SESN1: variants seen among roughly 807,000 people sequenced by gnomAD.
The protein encoded by SESN1 is sestrin-1.
SESN1 carries 30 observed loss-of-function variants against 59.3 expected under a neutral mutation model. The ratio of observed to expected loss-of-function variants is 0.51; its 90% CI spans 0.38 to 0.69. SESN1 has a LOEUF of 0.69. SESN1 is among the 30% of genes least tolerant of loss of function. The pLI is 0.00. For synonymous variants in SESN1, 197 were observed against 219.9 expected (o/e 0.90, Z 0.92); for missense variants, 566 against 673.0 (o/e 0.84, Z 1.76).
intron 1 of SESN1, among the ~76,000 whole-genome samples, chr6:109,071,312 A>G (rs1780930337): frequency 6.6e-6 from 1 of 151,656 alleles, no homozygotes; most frequent in Non-Finnish European, 1.5e-5. Flanking sequence ...AAGAGGTGCT[A>G]TTTTAGATAA....
rs76227987 is a variant in SESN1, at chr6:109,042,312, T to C, written c.280-39969A>G. Among the ~76,000 whole-genome samples the C allele has an allele frequency of 5.3e-3, 798 of 151,312 alleles. 29 individuals carry two copies. The East Asian group carries it at 0.082, about 16-fold the overall frequency. ...CAAGAGCCTAGGGAAAGAAGAGCAG[T>C]ATAAACTGAGAATCAAGCAGACAGA... On this transcript the variant is annotated intron_variant, in intron 1 of 9. Transcript: ENST00000436639.
chr6:109,013,787 A>G (rs758086267), intron 1 of SESN1, among the ~76,000 whole-genome samples: 35 of 152,150 alleles, frequency 2.3e-4, no homozygotes, highest in Non-Finnish European at 4.4e-4. Flanking sequence ...AAAATCCCCT[A>G]TTGTCATTTA....
intron 1 of SESN1, among the ~76,000 whole-genome samples, chr6:109,004,840 C>T (rs972769386): frequency 6.6e-6 from 1 of 152,178 alleles, no homozygotes; most frequent in South Asian, 2.1e-4. Flanking sequence ...TGCTGAGATA[C>T]TGTCTTCCTC....
rs1482587346 is a variant in SESN1, at chr6:108,987,562, A to T, written c.1638T>A (p.Ile546=). The T allele has an allele frequency of 6.3e-7, 1 of 1,597,134 alleles. No individual in the cohort carries two copies. Among genetic ancestry groups the T allele is most frequent in the East Asian group, 2.2e-5 (1 of 44,800 alleles). Residue 546 remains isoleucine (I), a synonymous_variant, in exon 10 of 10, where the codon ATT becomes ATA. Transcript: ENST00000436639. ...QAELLYALRA[I]TRYMT ...AAAGGCATCAGGTCATATAGCGGGT[A>T]ATGGCTCTCAGAGCATAAAGGAGTT...
intron 3 of SESN1, 82 bp downstream of exon 3, chr6:109,001,206 C>T: frequency 9.0e-7 from 1 of 1,116,716 alleles, no homozygotes; most frequent in Non-Finnish European, 1.3e-6. Context: ...AAGTATTTAT[C>T]CCTGTGTTTA....
chr6:109,058,158 C>T (rs1432061835), intron 1 of SESN1, among the ~76,000 whole-genome samples: 4 of 152,056 alleles, frequency 2.6e-5, no homozygotes, highest in South Asian at 2.1e-4. Context: ...GATCACGGCT[C>T]ACCGCAGCCT....
intron 1 of SESN1, among the ~76,000 whole-genome samples, chr6:109,034,680 G>A (rs1405754561): frequency 6.6e-6 from 1 of 152,222 alleles, no homozygotes; most frequent in African/African-American, 2.4e-5. Flanking sequence ...AAAAGGGAAT[G>A]GGAGTGTGCA....
intron 1 of SESN1, among the ~76,000 whole-genome samples, chr6:109,076,912 T>C (rs1781040728): frequency 6.6e-6 from 1 of 152,238 alleles, no homozygotes; most frequent in Non-Finnish European, 1.5e-5. Flanking sequence ...ATCTAATCTT[T>C]GTGCAAAAAT....
Position 108,987,535 on chromosome 6 carries a change from G to A in SESN1, c.*9C>T. On this transcript the variant is annotated 3_prime_UTR_variant, in exon 10 of 10. Transcript: ENST00000436639. ...TCATTCCAGAATCATCTTTAATGAA[G>A]GAAAGGCATCAGGTCATATAGCGGG... 1 of 1,506,412 alleles carries A rather than the reference G, an allele frequency of 6.6e-7. No individual in the cohort carries two copies. The highest frequency in any genetic ancestry group is 9.2e-7 in the Non-Finnish European group (1 of 1,083,768). 93.3% of individuals were successfully genotyped at this position (1,506,412 alleles called of 1,614,324 possible).
intron 1 of SESN1, among the ~76,000 whole-genome samples, chr6:109,008,273 A>G (rs1238760450): frequency 6.6e-6 from 1 of 152,240 alleles, no homozygotes; most frequent in African/African-American, 2.4e-5. Context: ...TCAAAAAGAG[A>G]AAAGATCTAT....
At chr6:108,993,254 C>T (rs907173729) in intron 6 of SESN1, among the ~76,000 whole-genome samples, 48 of 152,108 alleles carry the variant, frequency 3.2e-4, no homozygotes, top group Non-Finnish European at 5.6e-4. Flanking sequence ...ATCAGCTATG[C>T]TCCAAAATTT....
chr6:109,076,220 A>G (rs1781029738), intron 1 of SESN1, among the ~76,000 whole-genome samples: 1 of 152,246 alleles, frequency 6.6e-6, no homozygotes, highest in African/African-American at 2.4e-5. Flanking sequence ...TTTACCAACT[A>G]GTATGAAAAC....
chr6:109,040,649 AG>A (rs1331896473), intron 1 of SESN1, among the ~76,000 whole-genome samples: 1 of 151,258 alleles, frequency 6.6e-6, no homozygotes, highest in Non-Finnish European at 1.5e-5. Flanking sequence ...GTGACAAACT[AG>A]CATAATCTTT....
At chr6:109,004,659 T>C (rs370686737) in intron 1 of SESN1, among the ~76,000 whole-genome samples, 14 of 152,304 alleles carry the variant, frequency 9.2e-5, no homozygotes, top group African/African-American at 3.1e-4. Context: ...CTCAATCTCC[T>C]GACCTCGTGA....
At chr6:109,074,254 T>C (rs1292491611) in intron 1 of SESN1, among the ~76,000 whole-genome samples, 1 of 152,156 alleles carries the variant, frequency 6.6e-6, no homozygotes, top group Non-Finnish European at 1.5e-5. Context: ...TCTCAGAATA[T>C]ATCTGTCATT....
Position 109,000,527 on chromosome 6 carries a change from G to C in SESN1, c.693C>G (p.Ala231=), listed in dbSNP as rs1214976889. ...QNLGELNKVL[A]HRPWLITKEH... is the part of the protein sequence containing the mutation. ...CTTTGGTAATAAGCCAAGGTCTATG[G>C]GCTAACACTTTGTTAAGTTCTCCTA... is the stretch of plus-strand genomic sequence containing the variant. Residue 231 remains alanine, a synonymous_variant, in exon 4 of 10, where the codon GCC becomes GCG. Coordinates refer to ENST00000436639, the MANE Select transcript of SESN1 (RefSeq NM_014454.3). 2.5e-6 allele frequency: 4 copies of C among 1,609,180 alleles called. No individual in the cohort carries two copies. The highest frequency in any genetic ancestry group is 2.2e-5 in the South Asian group (2 of 90,002).
At chr6:109,076,252 C>T (rs1436505918) in intron 1 of SESN1, among the ~76,000 whole-genome samples, 1 of 152,180 alleles carries the variant, frequency 6.6e-6, no homozygotes, top group Non-Finnish European at 1.5e-5. Flanking sequence ...TTAACAAGTA[C>T]TGCTGTGCCA....
At chr6:109,033,912 C>T (rs954599964) in intron 1 of SESN1, among the ~76,000 whole-genome samples, 4 of 152,138 alleles carry the variant, frequency 2.6e-5, no homozygotes, top group South Asian at 4.1e-4. Flanking sequence ...CGTAAAGAAG[C>T]GGAGGCAAGG....
chr6:109,019,847 A>G (rs182784566), intron 1 of SESN1, among the ~76,000 whole-genome samples: 37 of 152,330 alleles, frequency 2.4e-4, no homozygotes, highest in Non-Finnish European at 1.5e-5. Flanking sequence ...CAAGTATTCA[A>G]TTAGATTTTA....
Sources: allele counts gnomAD v4.1 joint callset (sites outside exome capture counted in the v4.1 genomes callset), GRCh38; gene constraint gnomAD v4.1.1; transcripts MANE v1.5; gene names NCBI Gene and HGNC (gene_info 2026-07-23, HGNC 2026-07-21).